DLG2: variants seen among roughly 807,000 people sequenced by gnomAD.
DLG2 encodes the protein disks large homolog 2.
Under a neutral mutation model 132.5 loss-of-function variants are expected in DLG2, and 45 were observed. The observed-to-expected ratio is 0.34, with a 90% confidence interval of 0.27 to 0.44. The LOEUF (loss-of-function observed/expected upper bound fraction) is 0.44, where lower values mean the gene tolerates loss of function less well. Among genes scored for constraint, DLG2 ranks in the 20% least tolerant of loss-of-function variants. DLG2 has a pLI of 1.00. For synonymous variants in DLG2, 424 were observed against 419.6 expected, an observed-to-expected ratio of 1.01 and a Z score of -0.13; for missense variants, 1,045 against 1,196.9, an observed-to-expected ratio of 0.87 and a Z score of 1.87.
At position 85,312,803 on chromosome 11, in the gene DLG2, T is replaced by C. The variant is rs565503201; in HGVS notation, c.41-27438A>G. Among the ~76,000 whole-genome samples the C allele has an allele frequency of 4.5e-4, 69 of 152,172 alleles. 2 individuals are homozygous for C. Among genetic ancestry groups the C allele is most frequent in the African/African-American group, 1.4e-3 (60 of 41,572 alleles). Reference sequence around the variant, plus strand: ...GATGTCCACTTCAACTTGTTTTCCATAGAGCAAGCACTTTTATCATTAAAT... The same window carrying C: ...GATGTCCACTTCAACTTGTTTTCCACAGAGCAAGCACTTTTATCATTAAAT... On this transcript the variant is annotated intron_variant, in intron 3 of 27. Transcript: ENST00000376104.
At chr11:85,183,184 T>G (rs898285678) in intron 4 of DLG2, among the ~76,000 whole-genome samples, 3 of 151,842 alleles carry the variant, frequency 2.0e-5, no homozygotes, top group Admixed American at 2.0e-4. Flanking sequence ...TGATCCAGTA[T>G]GAATGGAATC....
chr11:83,590,231 T>C (rs1227595158), intron 19 of DLG2, among the ~76,000 whole-genome samples: 11 of 151,374 alleles, frequency 7.3e-5, no homozygotes, highest in South Asian at 2.1e-4. Flanking sequence ...ATTGACCACA[T>C]AGTTGGAAGT....
chr11:83,498,987 A>G (rs1411409490), intron 21 of DLG2, among the ~76,000 whole-genome samples: 1 of 152,106 alleles, frequency 6.6e-6, no homozygotes, highest in East Asian at 1.9e-4. Flanking sequence ...AAAGACACAA[A>G]CTACCAAAAT....
intron 6 of DLG2, chr11:84,720,549 C>T (rs1478086702): frequency 2.1e-6 from 2 of 933,032 alleles, no homozygotes; most frequent in Non-Finnish European, 2.6e-6. Flanking sequence ...GAAGCAACGC[C>T]GCGGGCAAGT....
chr11:83,605,005 GAC>G (rs1481091797), intron 19 of DLG2, among the ~76,000 whole-genome samples: 17 of 142,864 alleles, frequency 1.2e-4, no homozygotes, highest in African/African-American at 4.6e-4. Context: ...AGTTTTCAAA[GAC>G]AGAGAGAGAG....
intron 7 of DLG2, among the ~76,000 whole-genome samples, chr11:84,260,610 T>C (rs2097537774): frequency 6.6e-6 from 1 of 152,058 alleles, no homozygotes; most frequent in Non-Finnish European, 1.5e-5. Flanking sequence ...GCCAAGCAAA[T>C]ATGGTAAGCT....
At chr11:84,287,083 T>C (rs2097917078) in intron 7 of DLG2, among the ~76,000 whole-genome samples, 1 of 152,200 alleles carries the variant, frequency 6.6e-6, no homozygotes, top group African/African-American at 2.4e-5. Flanking sequence ...AGTTGATTCA[T>C]GCATCCAGCA....
intron 6 of DLG2, among the ~76,000 whole-genome samples, chr11:84,580,664 C>G (rs548983521): frequency 6.6e-5 from 10 of 152,136 alleles, no homozygotes; most frequent in Non-Finnish European, 1.2e-4. Flanking sequence ...TGAAAGAATC[C>G]CCATTGAAAC....
chr11:85,206,184 C>T lies in DLG2; in HGVS notation c.187-51533G>A, dbSNP rs182468094. On this transcript the variant is annotated intron_variant, in intron 4 of 27. Transcript: ENST00000376104. The stretch of plus-strand genomic sequence containing the variant: ...ATGTGAAGTGCTGGCTCCCCCTTCG[C>T]CTTCTGCCATGATTGGAAGCTCCCT... 3.7e-3 allele frequency among the ~76,000 whole-genome samples: 565 copies of T among 152,274 alleles called. 1 individual carries two copies. The highest frequency in any genetic ancestry group is 0.012 in the African/African-American group (513 of 41,552).
chr11:84,386,633 T>C (rs1418974353), intron 7 of DLG2, among the ~76,000 whole-genome samples: 1 of 152,142 alleles, frequency 6.6e-6, no homozygotes, highest in Non-Finnish European at 1.5e-5. Context: ...GCCATCATAT[T>C]ATAATTGTTT....
At chr11:84,115,138 C>A (rs564264448) in intron 9 of DLG2, among the ~76,000 whole-genome samples, 15 of 152,236 alleles carry the variant, frequency 9.9e-5, no homozygotes, top group African/African-American at 3.4e-4. Context: ...AGTCTATTTC[C>A]TTACTAAAAG....
chr11:84,545,787 G>C (rs1013149854), intron 6 of DLG2: 2 of 141,242 alleles, frequency 1.4e-5, no homozygotes, highest in Non-Finnish European at 2.7e-5. Flanking sequence ...AAGGAGTCTT[G>C]CTCTGTAGCC....
chr11:84,748,758 C>T (rs1279861631), intron 6 of DLG2, among the ~76,000 whole-genome samples: 3 of 152,114 alleles, frequency 2.0e-5, no homozygotes, highest in Non-Finnish European at 4.4e-5. Flanking sequence ...GGGTCTTCTG[C>T]TAACTCATTG....
intron 6 of DLG2, among the ~76,000 whole-genome samples, chr11:84,661,148 A>C (rs1393688844): frequency 6.6e-6 from 1 of 152,202 alleles, no homozygotes; most frequent in African/African-American, 2.4e-5. Flanking sequence ...ACAGAAAAAA[A>C]TGCCAAGGCA....
intron 18 of DLG2, among the ~76,000 whole-genome samples, chr11:83,675,213 C>G (rs1592235752): frequency 6.6e-6 from 1 of 152,294 alleles, no homozygotes; most frequent in South Asian, 2.1e-4. Flanking sequence ...GGCTGAAGAA[C>G]TTATAAATTA....
intron 21 of DLG2, among the ~76,000 whole-genome samples, chr11:83,521,078 G>A (rs2095468429): frequency 6.6e-6 from 1 of 152,316 alleles, no homozygotes; most frequent in Non-Finnish European, 1.5e-5. Context: ...CCCTAGAACA[G>A]TGCTGAACAT....
At chr11:84,803,829 C>G (rs1291677560) in intron 6 of DLG2, among the ~76,000 whole-genome samples, 1 of 152,172 alleles carries the variant, frequency 6.6e-6, no homozygotes, top group Non-Finnish European at 1.5e-5. Flanking sequence ...GCATGTTTCT[C>G]TATCTGAAAT....
intron 6 of DLG2, among the ~76,000 whole-genome samples, chr11:85,053,197 TGAATTACCTTCCA>T (rs1415062553): frequency 6.6e-6 from 1 of 152,090 alleles, no homozygotes; most frequent in Admixed American, 6.6e-5. Flanking sequence ...AAATTATCAT[TGAATTACCTTCCA>T]GCCCTGCCAT....
chr11:83,772,434 GAA>G (rs1449619767), intron 18 of DLG2, among the ~76,000 whole-genome samples: 1 of 75,890 alleles, frequency 1.3e-5, no homozygotes, highest in African/African-American at 5.0e-5. Context: ...GAAAAGAAAA[GAA>G]AAAAAAAGAG....
Sources: allele counts gnomAD v4.1 joint callset (sites outside exome capture counted in the v4.1 genomes callset), GRCh38; gene constraint gnomAD v4.1.1; transcripts MANE v1.5; gene names NCBI Gene and HGNC (gene_info 2026-07-23, HGNC 2026-07-21).